Variants in PLEC observed in about 807,000 individuals in gnomAD.
The protein encoded by PLEC is hemidesmosomal protein 1.
PLEC carries 216 observed loss-of-function variants against 392.8 expected under a neutral mutation model. The observed-to-expected ratio is 0.55, with a 90% CI of 0.49 to 0.62. PLEC has a LOEUF of 0.62. Among genes scored for constraint, PLEC ranks in the 20% least tolerant of loss-of-function variants. The pLI is 0.00. For synonymous variants in PLEC, 3,621 were observed against 2,980.6 expected, an observed-to-expected ratio of 1.21 and a Z score of -7.00; for missense variants, 6,863 against 6,563.4, an observed-to-expected ratio of 1.05 and a Z score of -1.58.
intron 25 of PLEC, among the ~76,000 whole-genome samples, chr8:143,928,582 A>C (rs1188025268): frequency 2.0e-5 from 2 of 97,588 alleles, no homozygotes; most frequent in Non-Finnish European, 3.9e-5. Flanking sequence ...TTCTGTGAGG[A>C]GTAGACAGCG....
chr8:143,938,620 G>A lies in PLEC; in HGVS notation c.174+11C>T. On this transcript the variant is annotated intron_variant, in intron 2 of 31. Coordinates refer to ENST00000345136, the MANE Select transcript of PLEC (RefSeq NM_201384.3). Reference sequence around the variant, plus strand: ...CAGCCCCTGTGACACGCACCAGCATGCGCCACCAACCTTGATGAGGTGCTT... The same window carrying A: ...CAGCCCCTGTGACACGCACCAGCATACGCCACCAACCTTGATGAGGTGCTT... 6.2e-7 allele frequency: 1 copy of A among 1,613,394 alleles called. No homozygotes were observed. The highest frequency in any genetic ancestry group is 1.7e-4 in the Middle Eastern group (1 of 6,060).
Position 143,927,560 on chromosome 8 carries a change from G to C in PLEC, c.3606C>G (p.Leu1202=). 2 of 1,593,516 alleles carry C rather than the reference G, an allele frequency of 1.3e-6. No homozygotes were observed. The highest frequency in any genetic ancestry group is 1.7e-6 in the Non-Finnish European group (2 of 1,177,462). ...LAQTDVRQRE[L]EQLGRQLRYY... ...AACGCAGCTGGCGGCCCAGTTGCTC[G>C]AGCTCGCGCTGCCGCACGTCGGTCT... Residue 1202 remains leucine (L), a synonymous_variant, in exon 27 of 32, where the codon CTC becomes CTG. Coordinates refer to ENST00000345136, the MANE Select transcript of PLEC (RefSeq NM_201384.3).
chr8:143,933,458 C>T (rs969655653), intron 12 of PLEC, 107 bp from the exon 13 acceptor site: 45 of 1,308,312 alleles, frequency 3.4e-5, no homozygotes, highest in Non-Finnish European at 4.5e-5. Flanking sequence ...CTCAGTGGGC[C>T]ACTGCCTCCA....
chr8:143,922,792 G>A lies in PLEC; in HGVS notation c.7137C>T (p.Ser2379=), dbSNP rs782260669. 2.6e-5 allele frequency: 41 copies of A among 1,595,628 alleles called. 1 individual carries two copies. The highest frequency in any genetic ancestry group is 4.6e-5 in the East Asian group (2 of 43,730). The change falls in exon 31 of 32, where the codon AGC becomes AGT. Residue 2379 remains serine (S), a synonymous_variant. Coordinates refer to ENST00000345136, the MANE Select transcript of PLEC (RefSeq NM_201384.3). The stretch of plus-strand genomic sequence containing the variant: ...GCAGCTTGAGGCGCTCAGCCTCAGC[G>A]CTCATCTCCAGCTGCCGCTGCCGCT... ...EAERQRQLEM[S]AEAERLKLRV...
Position 143,927,433 on chromosome 8 carries a change from G to A in PLEC, c.3733C>T (p.Arg1245Trp), listed in dbSNP as rs367688739. 105 of 1,600,348 alleles carry A rather than the reference G, an allele frequency of 6.6e-5. No individual in the cohort carries two copies. The highest frequency in any genetic ancestry group is 8.0e-5 in the Non-Finnish European group (94 of 1,178,564). ...ACCTGCTCCTGCCGCAGCTGCTCCC[G>A]CACAGCCTGGCTGTCGGCCAGCGGC... ...AMPLADSQAVREQLRQEQALL... is the reference protein window; with the variant it reads ...AMPLADSQAVWEQLRQEQALL... Residue 1245 changes from arginine to tryptophan, a missense_variant, in exon 27 of 32, where the codon CGG becomes TGG. Coordinates refer to ENST00000345136, the MANE Select transcript of PLEC (RefSeq NM_201384.3).
intron 1 of PLEC, among the ~76,000 whole-genome samples, chr8:143,971,737 C>A (rs985257191): frequency 6.6e-6 from 1 of 152,308 alleles, no homozygotes; most frequent in Admixed American, 6.5e-5. Context: ...GTGCCACACA[C>A]ATGCGGGCAG....
chr8:143,948,526 G>T (rs1039044625), intron 1 of PLEC, among the ~76,000 whole-genome samples: 4 of 152,178 alleles, frequency 2.6e-5, no homozygotes, highest in African/African-American at 9.6e-5. Flanking sequence ...AGCTCAGCCC[G>T]TGAGGTCCAG....
chr8:143,942,371 C>T, upstream of PLEC: 1 of 1,600,126 alleles, frequency 6.2e-7, no homozygotes, highest in Non-Finnish European at 8.5e-7. Flanking sequence ...TCTGTGCCAC[C>T]GGCCACGCCA....
upstream of PLEC, chr8:143,943,976 GGCGA>G (rs1234007435): frequency 6.5e-7 from 1 of 1,544,294 alleles, no homozygotes. Context: ...CTGCGTGCAG[GGCGA>G]GCGAGGGGGA....
chr8:143,927,910 C>T lies in PLEC; in HGVS notation c.3343G>A (p.Ala1115Thr). 6.3e-7 allele frequency: 1 copy of T among 1,598,452 alleles called. No homozygotes were observed. Among genetic ancestry groups the T allele is most frequent in the Non-Finnish European group, 8.5e-7 (1 of 1,173,452 alleles). ...LRAHEEQLKE[A>T]QAVPATLPEL... Reference sequence around the variant, plus strand: ...GGGAGGGTGGCCGGCACGGCCTGGGCCTCCTTGAGCTGCTCCTCGTGGGCC... The same window carrying T: ...GGGAGGGTGGCCGGCACGGCCTGGGTCTCCTTGAGCTGCTCCTCGTGGGCC... The change falls in exon 26 of 32, where the codon GCC (alanine) becomes ACC (threonine). Residue 1115 changes from alanine to threonine, a missense_variant. Physicochemically the swap from Ala to Thr is moderately conservative, Grantham distance 58. Transcript: ENST00000345136.
chr8:143,916,816 G>T lies in PLEC; in HGVS notation c.13005C>A (p.Ala4335=). 1 of 1,613,082 alleles carries T rather than the reference G, an allele frequency of 6.2e-7. No homozygotes were observed. The highest frequency in any genetic ancestry group is 8.5e-7 in the Non-Finnish European group (1 of 1,179,936). ...TCTTGTCCACCAGGCCCTTGTTGAC[G>T]GCGTCGGTGACAGGGAAGCGCTCAC... The part of the protein sequence containing the change: ...STGERFPVTD[A]VNKGLVDKIM... Residue 4335 remains alanine, a synonymous_variant, in exon 32 of 32, where the codon GCC becomes GCA. Coordinates refer to ENST00000345136, the MANE Select transcript of PLEC (RefSeq NM_201384.3).
Position 143,939,229 on chromosome 8 carries a change from G to A in PLEC, c.112+121C>T, listed in dbSNP as rs929282616. ...TGTTGGGTGGGGATGGCTGGCCCCC[G>A]ACCCCCATCTCCAAGACCAGCCCCC... On this transcript the variant is annotated intron_variant, in intron 1 of 31. Transcript: ENST00000345136. 165 of 1,353,072 alleles carry A rather than the reference G, an allele frequency of 1.2e-4. 2 individuals carry two copies. The Admixed American group carries it at 3.1e-3, about 25-fold the overall frequency. 83.8% of individuals were successfully genotyped at this position (1,353,072 alleles called of 1,614,324 possible).
At position 143,924,995 on chromosome 8, in the gene PLEC, C is replaced by G; in HGVS notation, c.4934G>C (p.Arg1645Pro). ...CTGCGCCACCTCCTCCGCCTGCAGC[C>G]GCAGCCGTAGCGCCTCGTTGGCCTT... ...QLKANEALRL[R>P]LQAEEVAQQK... Residue 1645 changes from arginine to proline, a missense_variant, in exon 31 of 32, where the codon CGG becomes CCG. Arg to Pro is a moderately radical substitution (Grantham distance 103, BLOSUM62 -2). Transcript: ENST00000345136. 6.3e-7 allele frequency: 1 copy of G among 1,577,508 alleles called. No individual in the cohort carries two copies. The highest frequency in any genetic ancestry group is 1.1e-5 in the South Asian group (1 of 88,294).
In PLEC at chr8:143,921,673, C is replaced by A. The variant is rs1554686625; in HGVS notation, c.8148G>T (p.Leu2716=). The change falls in exon 32 of 32, where the codon CTG becomes CTT. Residue 2716 remains leucine (L), a synonymous_variant. Transcript: ENST00000345136. Reference sequence around the variant, plus strand: ...TGCCGGGACTCAGCAGCTGCCTCTGCAGGGCGGCGTAAACACTCAGCTTCT... The same window carrying A: ...TGCCGGGACTCAGCAGCTGCCTCTGAAGGGCGGCGTAAACACTCAGCTTCT... ...TNEKLSVYAA[L]QRQLLSPGTA... The A allele has an allele frequency of 6.2e-7, 1 of 1,613,184 alleles. No individual in the cohort carries two copies. The highest frequency in any genetic ancestry group is 8.5e-7 in the Non-Finnish European group (1 of 1,179,922).
chr8:143,945,647 T>C (rs1158513933), intron 1 of PLEC, among the ~76,000 whole-genome samples: 3 of 152,178 alleles, frequency 2.0e-5, no homozygotes, highest in Non-Finnish European at 4.4e-5. Context: ...ACCAGGAGCC[T>C]GAGGCGCCGC....
Position 143,916,160 on chromosome 8 carries a change from G to A in PLEC, c.*17C>T. ...CCGGGCTGGGCCGCATGCAGAGCGG[G>A]GTGGGCGCAGGCAGCCTCAGGCCAC... On this transcript the variant is annotated 3_prime_UTR_variant, in exon 32 of 32. Transcript: ENST00000345136. 1 of 1,526,010 alleles carries A rather than the reference G, an allele frequency of 6.6e-7. No homozygotes were observed. The highest frequency in any genetic ancestry group is 8.8e-7 in the Non-Finnish European group (1 of 1,136,916). 94.5% of individuals were successfully genotyped at this position (1,526,010 alleles called of 1,614,324 possible).
chr8:143,938,412 A>G (rs782601320), intron 2 of PLEC, 172 bp from the exon 3 acceptor site: 34 of 1,536,640 alleles, frequency 2.2e-5, no homozygotes, highest in Non-Finnish European at 3.0e-5. Context: ...TCTGCCCGCC[A>G]GTGCTGCAAG....
chr8:143,975,274 G>A (rs1554745671), upstream of PLEC: 2 of 1,609,722 alleles, frequency 1.2e-6, no homozygotes, highest in Non-Finnish European at 1.7e-6. The surrounding 1 kb of genome is among the most constrained non-coding windows in gnomAD (Gnocchi z 9.9). Context: ...TTTTCCCAAG[G>A]TTCCAGGGCA....
chr8:143,930,589 C>T, intron 19 of PLEC, 53 bp from the exon 20 acceptor site: 2 of 1,537,502 alleles, frequency 1.3e-6, no homozygotes, highest in Non-Finnish European at 1.8e-6. Flanking sequence ...CACAGGCCTG[C>T]CCCAGGCACC....
Sources: allele counts gnomAD v4.1 joint callset (sites outside exome capture counted in the v4.1 genomes callset), GRCh38; gene constraint gnomAD v4.1.1; non-coding constraint Gnocchi (gnomAD v3.1); transcripts MANE v1.5; gene names NCBI Gene and HGNC (gene_info 2026-07-23, HGNC 2026-07-21).